DDAH1: variants seen among roughly 807,000 people sequenced by gnomAD.
DDAH1 encodes the protein N(G),N(G)-dimethylarginine dimethylaminohydrolase 1.
In DDAH1, 19 loss-of-function variants were observed where a neutral mutation model predicts 28.8. The observed-to-expected ratio is 0.66, with a 90% CI of 0.46 to 0.97. The LOEUF (loss-of-function observed/expected upper bound fraction) is 0.97, where lower values mean the gene tolerates loss of function less well. Among genes scored for constraint, DDAH1 ranks in the 50% least tolerant of loss-of-function variants. The pLI is 0.00. For synonymous variants in DDAH1, 153 were observed against 154.4 expected, an observed-to-expected ratio of 0.99 and a Z score of 0.07; for missense variants, 326 against 375.9, an observed-to-expected ratio of 0.87 and a Z score of 1.10.
At chr1:85,514,350 C>G (rs559330121) in intron 1 of DDAH1, among the ~76,000 whole-genome samples, 1 of 152,198 alleles carries the variant, frequency 6.6e-6, no homozygotes, top group South Asian at 2.1e-4. Flanking sequence ...CACTTGGACA[C>G]AGGGTGGGGA....
At chr1:85,404,492 A>G in intron 1 of DDAH1, 1 of 1,512,078 alleles carries the variant, frequency 6.6e-7, no homozygotes, top group Non-Finnish European at 8.8e-7. Flanking sequence ...ACTGAAGAAC[A>G]GTCTGACCCG....
intron 1 of DDAH1, among the ~76,000 whole-genome samples, chr1:85,392,474 A>G (rs117358352): frequency 3.4e-4 from 52 of 152,318 alleles, no homozygotes; most frequent in East Asian, 2.9e-3. Flanking sequence ...AACTCATAAC[A>G]TAAGTGCTGC....
At chr1:85,358,938 C>A (rs553570475) in intron 1 of DDAH1, 91 bp from the exon 2 acceptor site, 2 of 873,356 alleles carry the variant, frequency 2.3e-6, no homozygotes, top group African/African-American at 1.7e-5. Context: ...ATCAAGCTCT[C>A]GTGCACACAC....
chr1:85,513,745 T>C (rs1220829550), intron 1 of DDAH1, among the ~76,000 whole-genome samples: 1 of 152,060 alleles, frequency 6.6e-6, no homozygotes, highest in Non-Finnish European at 1.5e-5. Context: ...AACAGACACA[T>C]GAAAAAATGC....
intron 5 of DDAH1, among the ~76,000 whole-genome samples, chr1:85,321,975 G>A (rs537948318): frequency 3.1e-4 from 47 of 152,158 alleles, no homozygotes; most frequent in African/African-American, 8.9e-4. Flanking sequence ...GTACAGTGGC[G>A]CGACCATGGC....
chr1:85,468,350 G>C (rs1381329631), upstream of DDAH1, among the ~76,000 whole-genome samples: 1 of 152,126 alleles, frequency 6.6e-6, no homozygotes, highest in Non-Finnish European at 1.5e-5. Flanking sequence ...CAGTTCTCAT[G>C]CTGTTAATAA....
chr1:85,380,281 AAC>A lies in DDAH1; in HGVS notation c.304-21436_304-21435del, dbSNP rs1650917705. 2.0e-5 allele frequency: 3 copies of A among 152,248 alleles called. No homozygotes were observed. The South Asian group carries it at 6.2e-4, about 32-fold the overall frequency. The allele number at this position is 152,248 out of a possible 1,614,324, so 9.4% of individuals were successfully genotyped here. On this transcript the variant is annotated intron_variant, in intron 1 of 5. Coordinates refer to ENST00000284031, the MANE Select transcript of DDAH1 (RefSeq NM_012137.4). ...TTCTTATAAGTAGATAATCCGGGTA[AAC>A]ACAGTCAAGTCCAGTAATTTCTCAA...
chr1:85,456,452 C>A (rs1018957984), intron 1 of DDAH1, among the ~76,000 whole-genome samples: 4 of 152,164 alleles, frequency 2.6e-5, no homozygotes, highest in African/African-American at 7.2e-5. Flanking sequence ...TCAGTAGAAA[C>A]CATACTTTGA....
At chr1:85,470,886 A>G (rs1655594218) in intron 2 of DDAH1, among the ~76,000 whole-genome samples, 1 of 152,210 alleles carries the variant, frequency 6.6e-6, no homozygotes, top group Non-Finnish European at 1.5e-5. Flanking sequence ...TGGTAGAGGA[A>G]TACATAAAAG....
intron 1 of DDAH1, among the ~76,000 whole-genome samples, chr1:85,402,154 T>C (rs969993102): frequency 2.8e-5 from 4 of 141,818 alleles, no homozygotes; most frequent in Non-Finnish European, 4.5e-5. Context: ...TCCCAGCTAA[T>C]ACTTCTATTT....
At chr1:85,427,106 T>C (rs1468781589) in intron 1 of DDAH1, among the ~76,000 whole-genome samples, 2 of 151,998 alleles carry the variant, frequency 1.3e-5, no homozygotes, top group African/African-American at 4.8e-5. Flanking sequence ...TAGTGCCAAT[T>C]TCCATTTCAC....
At chr1:85,427,469 G>A (rs1053506822) in intron 1 of DDAH1, among the ~76,000 whole-genome samples, 1 of 152,158 alleles carries the variant, frequency 6.6e-6, no homozygotes, top group African/African-American at 2.4e-5. Flanking sequence ...ATTCCAACTG[G>A]TTCATATGGT....
intron 1 of DDAH1, among the ~76,000 whole-genome samples, chr1:85,386,178 A>G (rs1651245800): frequency 6.6e-6 from 1 of 152,190 alleles, no homozygotes; most frequent in Admixed American, 6.5e-5. Flanking sequence ...GCAAAATGCA[A>G]TCATTCTATC....
rs1570495395 is a variant in DDAH1 at position 85,404,590 on chromosome 1, T to C, written c.304-45743A>G. 5 of 1,300,576 alleles carry C rather than the reference T, an allele frequency of 3.8e-6. No individual in the cohort carries two copies. The East Asian group carries it at 1.1e-4, about 29-fold the overall frequency. The allele number at this position is 1,300,576 out of a possible 1,614,324, so 80.6% of individuals were successfully genotyped here. ...TTCATTTTCCAGACTCTTGTGGGAATACAGAGCATGTCTGCTGAAACCGAA... is the reference window on the plus strand; with the variant it reads ...TTCATTTTCCAGACTCTTGTGGGAACACAGAGCATGTCTGCTGAAACCGAA... On this transcript the variant is annotated intron_variant, in intron 1 of 5. Transcript: ENST00000284031.
At chr1:85,546,663 T>C (rs1375614256) in intron 1 of DDAH1, among the ~76,000 whole-genome samples, 1 of 152,084 alleles carries the variant, frequency 6.6e-6, no homozygotes, top group East Asian at 1.9e-4. Flanking sequence ...AAAATCTAAA[T>C]ATGATATTAA....
intron 1 of DDAH1, among the ~76,000 whole-genome samples, chr1:85,550,285 A>G (rs998996744): frequency 2.6e-5 from 4 of 152,172 alleles, no homozygotes; most frequent in African/African-American, 9.7e-5. Flanking sequence ...ACATTATTCA[A>G]TCTATACCAA....
At chr1:85,384,897 AGGATTTAT>A (rs1408569566) in intron 1 of DDAH1, among the ~76,000 whole-genome samples, 1 of 152,238 alleles carries the variant, frequency 6.6e-6, no homozygotes, top group African/African-American at 2.4e-5. Context: ...AAACTTCTTT[AGGATTTAT>A]TTACATGTTA....
chr1:85,352,019 A>G (rs948953535), intron 2 of DDAH1, among the ~76,000 whole-genome samples: 2 of 152,232 alleles, frequency 1.3e-5, no homozygotes, highest in East Asian at 1.9e-4. Context: ...GCAATAATAA[A>G]CACATTGATA....
chr1:85,371,263 A>T (rs1370534342), intron 1 of DDAH1, among the ~76,000 whole-genome samples: 2 of 152,224 alleles, frequency 1.3e-5, no homozygotes, highest in South Asian at 4.1e-4. Context: ...TAGTGAAGTC[A>T]TCAAGTGCTA....
Sources: gnomAD v4.1 joint callset for allele counts (sites outside exome capture counted in the v4.1 genomes callset) on GRCh38, gnomAD v4.1.1 for gene constraint, MANE v1.5 for transcripts, NCBI Gene and HGNC (gene_info 2026-07-23, HGNC 2026-07-21) for gene names.